The following GRK6 variants were observed in gnomAD, a reference collection of about 807,000 sequenced individuals.
The protein encoded by GRK6 is G protein-coupled receptor kinase 6.
In GRK6, 37 loss-of-function variants were observed where a neutral mutation model predicts 80.8. The ratio of observed to expected loss-of-function variants is 0.46; its 90% CI spans 0.35 to 0.60. The LOEUF (loss-of-function observed/expected upper bound fraction) is 0.60, where lower values mean the gene tolerates loss of function less well. GRK6 is among the 20% of genes least tolerant of loss of function. The probability of loss-of-function intolerance (pLI) is 0.00; values close to 1 mark genes in which losing one functional copy is unlikely to be tolerated. For synonymous variants in GRK6, 295 were observed against 320.9 expected (o/e 0.92, Z 0.86); for missense variants, 560 against 784.6 (o/e 0.71, Z 3.42).
rs556443739 is a variant in GRK6, at chr5:177,441,130, C to T, written c.1677+77C>T. The T allele has an allele frequency of 1.9e-5, 30 of 1,568,598 alleles. No homozygotes were observed. The African/African-American group carries it at 3.0e-4, about 16-fold the overall frequency. Reference sequence around the variant, plus strand: ...GTGGGTGGGAGGCAGAGCCGGTGCCCGCATGCGCTGGGAGTGGGCGTCCTC... The same window carrying T: ...GTGGGTGGGAGGCAGAGCCGGTGCCTGCATGCGCTGGGAGTGGGCGTCCTC... On this transcript the variant is annotated intron_variant, in intron 15 of 15. Transcript: ENST00000355472.
chr5:177,441,122 C>G, intron 15 of GRK6, 69 bp downstream of exon 15: 3 of 1,579,788 alleles, frequency 1.9e-6, no homozygotes, highest in Non-Finnish European at 2.6e-6. Context: ...GGAGGCAGAG[C>G]CGGTGCCCGC....
chr5:177,432,190 T>G (rs764535585), intron 3 of GRK6, 43 bp from the exon 4 acceptor site: 17 of 1,612,408 alleles, frequency 1.1e-5, no homozygotes, highest in Non-Finnish European at 1.4e-5. Context: ...ACCTGCTGCT[T>G]GCCCTGCCCA....
intron 13 of GRK6, among the ~76,000 whole-genome samples, chr5:177,437,852 A>G (rs1764233447): frequency 6.6e-6 from 1 of 152,244 alleles, no homozygotes; most frequent in Admixed American, 6.5e-5. Context: ...CACCAGGAAC[A>G]CTGGAGAGGC....
At chr5:177,436,680 G>T (rs1025984417) in intron 13 of GRK6, 150 bp downstream of exon 13, 27 of 804,940 alleles carry the variant, frequency 3.4e-5, no homozygotes, top group Middle Eastern at 3.8e-4. Flanking sequence ...TTCACAAAAA[G>T]GAAAAGCCCC....
intron 15 of GRK6, chr5:177,441,393 C>T (rs1764491173): frequency 2.0e-6 from 2 of 995,594 alleles, no homozygotes; most frequent in Non-Finnish European, 2.9e-6. Flanking sequence ...ATCCCCTGCA[C>T]CCTGGCCCCT....
rs1763758716 is a variant in GRK6 at position 177,428,438 on chromosome 5, G to C, written c.52+1541G>C. ...TGGCTCTGCCCCTCCCACCTGCATGGCTTTTTTTTGAGACAGAGTCTCACT... is the reference window on the plus strand; with the variant it reads ...TGGCTCTGCCCCTCCCACCTGCATGCCTTTTTTTTGAGACAGAGTCTCACT... On this transcript the variant is annotated intron_variant, in intron 1 of 15. Coordinates refer to ENST00000355472, the MANE Select transcript of GRK6 (RefSeq NM_001004106.3). This position sits in a 1 kb window ranked among gnomAD's most constrained non-coding sequence, Gnocchi z 4.1. 6.6e-6 allele frequency among the ~76,000 whole-genome samples: 1 copy of C among 152,168 alleles called. No individual in the cohort carries two copies. The highest frequency in any genetic ancestry group is 2.1e-4 in the South Asian group (1 of 4,828).
intron 8 of GRK6, 52 bp downstream of exon 8, chr5:177,433,728 C>T (rs537705775): frequency 6.3e-7 from 1 of 1,599,298 alleles, no homozygotes; most frequent in South Asian, 1.1e-5. Flanking sequence ...GGCGCACCGA[C>T]CGTCCCCACC....
intron 9 of GRK6, 97 bp from the exon 10 acceptor site, chr5:177,434,805 C>T: frequency 7.2e-7 from 1 of 1,397,208 alleles, no homozygotes. Context: ...CCTTGCTCCA[C>T]ACCTGGCCCC....
intron 2 of GRK6, 62 bp from the exon 3 acceptor site, chr5:177,431,933 G>A (rs750575027): frequency 1.4e-6 from 2 of 1,448,818 alleles, no homozygotes; most frequent in Non-Finnish European, 1.9e-6. Context: ...GGTGGTGTGG[G>A]CACATGCCCC....
intron 13 of GRK6, among the ~76,000 whole-genome samples, chr5:177,437,284 T>C (rs1459655282): frequency 1.3e-5 from 2 of 152,092 alleles, no homozygotes; most frequent in Admixed American, 6.6e-5. Context: ...GAAATCCTCA[T>C]GGGGGAAAAG....
rs769461970 is a variant in GRK6 at position 177,428,606 on chromosome 5, T to C, written c.52+1709T>C. Among the ~76,000 whole-genome samples, 1 of 152,202 alleles carries C rather than the reference T, an allele frequency of 6.6e-6. No individual in the cohort carries two copies. The highest frequency in any genetic ancestry group is 1.5e-5 in the Non-Finnish European group (1 of 68,038). ...CTAATTTTTGTATTTATAGCACAGA[T>C]GGGTTTCACCATGTTGGCCTGGCTG... is the stretch of plus-strand genomic sequence containing the variant. On this transcript the variant is annotated intron_variant, in intron 1 of 15. Transcript: ENST00000355472. The surrounding 1 kb of genome is among the most constrained non-coding windows in gnomAD (Gnocchi z 4.1).
intron 10 of GRK6, 41 bp downstream of exon 10, chr5:177,434,980 T>A (rs1201585918): frequency 6.2e-7 from 1 of 1,613,104 alleles, no homozygotes; most frequent in East Asian, 2.2e-5. Flanking sequence ...TGGGGTGAGA[T>A]GCAGAGGCCT....
At chr5:177,434,171 C>T (rs776497370) in intron 9 of GRK6, 67 bp downstream of exon 9, 22 of 1,419,654 alleles carry the variant, frequency 1.5e-5, no homozygotes, top group South Asian at 7.1e-5. Context: ...TGGGCCTGGA[C>T]GGGGGTGGCC....
rs1479264805 is a variant in GRK6, at chr5:177,432,021, C to T, written c.175C>T (p.Arg59Trp). Reference sequence around the variant, plus strand: ...GCGTGACTATCACAGCCTGTGCGAGCGGCAGCCCATTGGGCGCCTGCTGTT... The same window carrying T: ...GCGTGACTATCACAGCCTGTGCGAGTGGCAGCCCATTGGGCGCCTGCTGTT... Reference protein sequence around the residue: ...LERDYHSLCERQPIGRLLFRE... With the variant: ...LERDYHSLCEWQPIGRLLFRE... Residue 59 changes from arginine (R) to tryptophan (W), a missense_variant, in exon 3 of 16, where the codon CGG becomes TGG. Coordinates refer to ENST00000355472, the MANE Select transcript of GRK6 (RefSeq NM_001004106.3). 9 of 1,613,182 alleles carry T rather than the reference C, an allele frequency of 5.6e-6. No individual in the cohort carries two copies. Among genetic ancestry groups the T allele is most frequent in the Admixed American group, 1.7e-5 (1 of 60,004 alleles).
intron 3 of GRK6, 39 bp downstream of exon 3, chr5:177,432,146 C>T (rs772184007): frequency 2.4e-5 from 38 of 1,607,720 alleles, no homozygotes; most frequent in East Asian, 4.5e-5. Flanking sequence ...CGCGGGTGGC[C>T]GAGGTCCTGG....
intron 9 of GRK6, among the ~76,000 whole-genome samples, chr5:177,434,609 C>T (rs1764058755): frequency 1.3e-5 from 2 of 152,210 alleles, no homozygotes; most frequent in African/African-American, 4.8e-5. Flanking sequence ...AAGGCAGAGT[C>T]AGTCACCAAG....
intron 1 of GRK6, among the ~76,000 whole-genome samples, chr5:177,430,129 C>T (rs2127370648): frequency 6.6e-6 from 1 of 152,258 alleles, no homozygotes; most frequent in East Asian, 1.9e-4. Flanking sequence ...AGCCAGAAAC[C>T]CTCCTAGCAG....
In GRK6 at chr5:177,432,041, G is replaced by A. The variant is rs745331535; in HGVS notation, c.195G>A (p.Leu65=). 4.3e-6 allele frequency: 7 copies of A among 1,613,154 alleles called. No individual in the cohort carries two copies. Among genetic ancestry groups the A allele is most frequent in the Admixed American group, 1.7e-5 (1 of 59,988 alleles). The change falls in exon 3 of 16, where the codon CTG becomes CTA. Residue 65 remains leucine (L), a synonymous_variant. Transcript: ENST00000355472. ...GCGAGCGGCAGCCCATTGGGCGCCT[G>A]CTGTTCCGAGAGTTCTGTGCCACGA... ...SLCERQPIGR[L]LFREFCATRP...
In GRK6 at chr5:177,436,247, G is replaced by A. The variant is rs200351023; in HGVS notation, c.1232G>A (p.Arg411His). The A allele has an allele frequency of 1.2e-5, 19 of 1,614,132 alleles. No homozygotes were observed. Among genetic ancestry groups the A allele is most frequent in the Non-Finnish European group, 1.4e-5 (16 of 1,180,010 alleles). The change falls in exon 12 of 16, where the codon CGC (arginine) becomes CAC (histidine). Residue 411 changes from arginine to histidine, a missense_variant. By Grantham distance (29) the Arg-to-His change is conservative (BLOSUM62 0). Around this residue, in one of 3 missense-constraint regions of GRK6, gnomAD observed 294 missense variants for 397.4 expected, o/e 0.74. Transcript: ENST00000355472. ...GAGGTCCCCGAGGAGTATTCCGAGC[G>A]CTTTTCCCCGCAGGCCCGCTCACTT... is the stretch of plus-strand genomic sequence containing the variant. ...VKEVPEEYSERFSPQARSLCS... is the reference protein window; with the variant it reads ...VKEVPEEYSEHFSPQARSLCS...
Sources: allele counts gnomAD v4.1 joint callset (sites outside exome capture counted in the v4.1 genomes callset), GRCh38; gene constraint gnomAD v4.1.1; regional missense constraint gnomAD v4.1.1; non-coding constraint Gnocchi (gnomAD v3.1); transcripts MANE v1.5; gene names NCBI Gene and HGNC (gene_info 2026-07-23, HGNC 2026-07-21).